The following MYSM1 variants were observed in gnomAD, a reference collection of about 807,000 sequenced individuals.
The protein encoded by MYSM1 is deubiquitinase MYSM1.
A neutral mutation model predicts 116.0 loss-of-function variants in MYSM1; 51 were observed. That is an observed-to-expected ratio of 0.44 (90% CI 0.35 to 0.56). The LOEUF (loss-of-function observed/expected upper bound fraction) is 0.56. MYSM1 is among the 20% of genes least tolerant of loss of function. The pLI, the probability that MYSM1 is intolerant of heterozygous loss-of-function variation, is 0.00. For synonymous variants in MYSM1, 313 were observed against 315.2 expected, an observed-to-expected ratio of 0.99 and a Z score of 0.07; for missense variants, 900 against 974.9, an observed-to-expected ratio of 0.92 and a Z score of 1.02.
At chr1:58,670,433 C>T (rs1316707867) in intron 12 of MYSM1, among the ~76,000 whole-genome samples, 1 of 152,090 alleles carries the variant, frequency 6.6e-6, no homozygotes, top group Non-Finnish European at 1.5e-5. Context: ...AAAGGAGGAA[C>T]TAGATGTTGA....
chr1:58,695,324 T>TA, intron 1 of MYSM1, 117 bp from the exon 2 acceptor site: 1 of 586,230 alleles, frequency 1.7e-6, no homozygotes, highest in Non-Finnish European at 3.1e-6. Flanking sequence ...TTAGTTCCCT[T>TA]CTCCCCTTAA....
intron 17 of MYSM1, among the ~76,000 whole-genome samples, chr1:58,664,251 CAAGTT>C (rs1644435762): frequency 6.6e-6 from 1 of 152,092 alleles, no homozygotes; most frequent in Non-Finnish European, 1.5e-5. Context: ...TTAAAGAGAA[CAAGTT>C]AATTGCGATT....
At position 58,655,857 on chromosome 1, in the gene MYSM1, A is replaced by T. The variant is rs900398050; in HGVS notation, c.*4140T>A. On this transcript the variant is annotated 3_prime_UTR_variant, in exon 20 of 20. Coordinates refer to ENST00000472487, the MANE Select transcript of MYSM1 (RefSeq NM_001085487.3). ...GCTTTTCTTTGTGCTTGGATAAAAG[A>T]AGTTTTCCTAAATACCATATATTGG... The T allele has an allele frequency of 2.6e-5, 4 of 152,192 alleles. No individual in the cohort carries two copies. Among genetic ancestry groups the T allele is most frequent in the Non-Finnish European group, 5.9e-5 (4 of 68,038 alleles). 9.4% of individuals were successfully genotyped at this position (152,192 alleles called of 1,614,324 possible).
intron 17 of MYSM1, among the ~76,000 whole-genome samples, chr1:58,664,107 A>T (rs1190440117): frequency 2.0e-5 from 3 of 152,224 alleles, no homozygotes; most frequent in African/African-American, 7.2e-5. Context: ...AATTCTAATC[A>T]ACTTACATTT....
chr1:58,670,349 T>A (rs1423491716), intron 12 of MYSM1, among the ~76,000 whole-genome samples: 3 of 152,046 alleles, frequency 2.0e-5, no homozygotes, highest in African/African-American at 7.2e-5. Flanking sequence ...CTGCAGAGAA[T>A]GGGAAAGTTG....
chr1:58,698,098 A>ATTTTTTTTTTTT (rs1386142383), intron 1 of MYSM1, among the ~76,000 whole-genome samples: 3 of 30,232 alleles, frequency 9.9e-5, no homozygotes, highest in Admixed American at 3.7e-4. Flanking sequence ...ATATATATAT[A>ATTTTTTTTTTTT]TATATTTTTT....
intron 1 of MYSM1, chr1:58,699,690 G>T: frequency 1.0e-6 from 1 of 985,428 alleles, no homozygotes; most frequent in Non-Finnish European, 1.2e-6. Flanking sequence ...GGAGGGAACG[G>T]AAGAAGGAAT....
At chr1:58,660,379 A>G (rs1167865712) in intron 19 of MYSM1, among the ~76,000 whole-genome samples, 4 of 152,120 alleles carry the variant, frequency 2.6e-5, no homozygotes, top group Non-Finnish European at 1.5e-5. Flanking sequence ...ATGATTTTAC[A>G]TAAGGAGACA....
intron 1 of MYSM1, among the ~76,000 whole-genome samples, 153 bp from the exon 2 acceptor site, chr1:58,695,360 G>A (rs1156500213): frequency 6.6e-6 from 1 of 152,174 alleles, no homozygotes; most frequent in Non-Finnish European, 1.5e-5. Flanking sequence ...TTGTGGAAAT[G>A]CCTGCTCTAC....
At chr1:58,680,506 C>G (rs900226335) in intron 8 of MYSM1, among the ~76,000 whole-genome samples, 1 of 152,158 alleles carries the variant, frequency 6.6e-6, no homozygotes, top group Non-Finnish European at 1.5e-5. Flanking sequence ...CTTTCAGCAC[C>G]TCCACCATCT....
intron 10 of MYSM1, among the ~76,000 whole-genome samples, chr1:58,674,454 C>A (rs1039341154): frequency 1.6e-4 from 24 of 152,220 alleles, no homozygotes; most frequent in African/African-American, 5.1e-4. Context: ...CCATATCCAG[C>A]AACTCTAATT....
chr1:58,667,967 C>T (rs773874638), intron 14 of MYSM1, 46 bp from the exon 15 acceptor site: 12 of 1,325,000 alleles, frequency 9.1e-6, no homozygotes. Flanking sequence ...ACAAACCCAC[C>T]TGACAAAGTA....
Position 58,676,925 on chromosome 1 carries a change from C to A in MYSM1, c.1390+1G>T. On this transcript the variant is annotated splice_donor_variant, in intron 9 of 19. Transcript: ENST00000472487. LOFTEE classifies it high-confidence loss of function. ...AGATGTTGTTGGGTTTTTATTTTTACCACATCCAAAATTGATTGCTCCTAT... is the reference window on the plus strand; with the variant it reads ...AGATGTTGTTGGGTTTTTATTTTTAACACATCCAAAATTGATTGCTCCTAT... 1 of 1,608,926 alleles carries A rather than the reference C, an allele frequency of 6.2e-7. No homozygotes were observed. The highest frequency in any genetic ancestry group is 8.5e-7 in the Non-Finnish European group (1 of 1,177,996).
chr1:58,692,964 T>G lies in MYSM1; in HGVS notation c.148-33A>C, dbSNP rs754687207. 2.7e-6 allele frequency: 4 copies of G among 1,501,156 alleles called. No homozygotes were observed. The Admixed American group carries it at 8.4e-5, about 32-fold the overall frequency. The allele number at this position is 1,501,156 out of a possible 1,614,324, so 93.0% of individuals were successfully genotyped here. ...AAAAGAGAATATATTTGTCTTTTTA[T>G]TTATTGCTTTTTGAAATTATCTTCT... On this transcript the variant is annotated intron_variant, in intron 2 of 19. Coordinates refer to ENST00000472487, the MANE Select transcript of MYSM1 (RefSeq NM_001085487.3).
chr1:58,669,836 CAAAAAAAAAAA>C (rs58828009), intron 12 of MYSM1, among the ~76,000 whole-genome samples: 2 of 14,610 alleles, frequency 1.4e-4, no homozygotes, highest in Non-Finnish European at 2.6e-4. Context: ...ACCCTGTCTC[CAAAAAAAAAAA>C]AAAAAAAAAA....
chr1:58,687,894 T>C (rs1034224924), intron 6 of MYSM1, among the ~76,000 whole-genome samples: 3 of 152,158 alleles, frequency 2.0e-5, no homozygotes, highest in African/African-American at 7.2e-5. Context: ...GGTTTTATGC[T>C]GGACATAAAG....
At chr1:58,685,000 A>G (rs1404288984) in intron 7 of MYSM1, among the ~76,000 whole-genome samples, 153 bp downstream of exon 7, 1 of 152,198 alleles carries the variant, frequency 6.6e-6, no homozygotes, top group Non-Finnish European at 1.5e-5. Context: ...AACACTGAAG[A>G]TATCCTCTGA....
intron 19 of MYSM1, among the ~76,000 whole-genome samples, chr1:58,660,643 GA>G (rs1569689798): frequency 6.6e-6 from 1 of 151,964 alleles, no homozygotes; most frequent in Admixed American, 6.6e-5. Context: ...ATATTAAAAA[GA>G]AACTTAATGT....
intron 5 of MYSM1, 87 bp downstream of exon 5, chr1:58,690,139 C>T (rs1243080183): frequency 8.8e-7 from 1 of 1,134,726 alleles, no homozygotes; most frequent in Non-Finnish European, 1.2e-6. Flanking sequence ...AGGGCTTTTC[C>T]ACAGGCCAAC....
Sources: allele counts gnomAD v4.1 joint callset (sites outside exome capture counted in the v4.1 genomes callset), GRCh38; gene constraint gnomAD v4.1.1; transcripts MANE v1.5; gene names NCBI Gene and HGNC (gene_info 2026-07-23, HGNC 2026-07-21).